CNTNAP2: variants seen among roughly 807,000 people sequenced by gnomAD.
The protein encoded by CNTNAP2 is contactin associated protein 2, also known as contactin-associated protein-like 2.
CNTNAP2 carries 98 observed loss-of-function variants against 155.2 expected under a neutral mutation model. The observed-to-expected ratio is 0.63, with a 90% CI of 0.54 to 0.75. CNTNAP2 has a LOEUF of 0.75. Ranked by LOEUF, CNTNAP2 falls within the 30% of genes least tolerant of loss-of-function variation. The pLI, the probability that CNTNAP2 is intolerant of heterozygous loss-of-function variation, is 0.00. For missense variants in CNTNAP2, 1,727 were observed against 1,688.1 expected (o/e 1.02, Z -0.40); for synonymous variants, 651 against 631.2 (o/e 1.03, Z -0.47).
intron 18 of CNTNAP2, among the ~76,000 whole-genome samples, chr7:148,193,525 G>C (rs1795231608): frequency 6.6e-6 from 1 of 152,128 alleles, no homozygotes; most frequent in African/African-American, 2.4e-5. Flanking sequence ...GGGCAAGTGT[G>C]CCTGGGGCCC....
At position 148,217,324 on chromosome 7, in the gene CNTNAP2, G is replaced by A. The variant is rs143879959; in HGVS notation, c.3047G>A (p.Arg1016Gln). The A allele has an allele frequency of 3.3e-5, 54 of 1,613,888 alleles. No individual in the cohort carries two copies. Among genetic ancestry groups the A allele is most frequent in the South Asian group, 6.6e-5 (6 of 91,066 alleles). ...TTTTTTGAAGAAGGGATGTGGCTAC[G>A]ATATAACTTTCAGGCACCAGCAACA... ...GAFFEEGMWL[R>Q]YNFQAPATNA... The change falls in exon 19 of 24, where the codon CGA becomes CAA. Residue 1016 changes from arginine to glutamine, a missense_variant. Physicochemically the swap from Arg to Gln is conservative, Grantham distance 43. Coordinates refer to ENST00000361727, the MANE Select transcript of CNTNAP2 (RefSeq NM_014141.6).
intron 13 of CNTNAP2, among the ~76,000 whole-genome samples, chr7:147,853,685 C>A (rs182943683): frequency 1.3e-5 from 2 of 152,246 alleles, no homozygotes; most frequent in Admixed American, 1.3e-4. Context: ...GAACCATTGC[C>A]ATAAAATTTA....
intron 9 of CNTNAP2, among the ~76,000 whole-genome samples, chr7:147,344,956 T>A (rs1259152982): frequency 6.6e-6 from 1 of 152,188 alleles, no homozygotes; most frequent in Admixed American, 6.5e-5. Context: ...GTTACTATAA[T>A]TAAAGTAACA....
intron 1 of CNTNAP2, among the ~76,000 whole-genome samples, chr7:146,321,396 T>A (rs1800998897): frequency 6.6e-6 from 1 of 152,218 alleles, no homozygotes; most frequent in Non-Finnish European, 1.5e-5. Flanking sequence ...AGAACATCCC[T>A]CTGAGCCTTT....
intron 8 of CNTNAP2, among the ~76,000 whole-genome samples, chr7:147,288,250 A>G (rs1805226476): frequency 6.6e-6 from 1 of 152,156 alleles, no homozygotes; most frequent in Non-Finnish European, 1.5e-5. Context: ...ACTGTCTGAA[A>G]TTGTACCTGT....
intron 9 of CNTNAP2, among the ~76,000 whole-genome samples, chr7:147,393,913 G>A (rs761291960): frequency 6.6e-6 from 1 of 151,942 alleles, no homozygotes; most frequent in Non-Finnish European, 1.5e-5. Context: ...TTTAAATATT[G>A]TAATCCATTA....
chr7:147,473,266 C>T (rs1181809906), intron 10 of CNTNAP2, among the ~76,000 whole-genome samples: 1 of 151,946 alleles, frequency 6.6e-6, no homozygotes, highest in Non-Finnish European at 1.5e-5. Flanking sequence ...GTTATGGGGC[C>T]GAAAGGGAGA....
chr7:148,409,827 G>T (rs1423134154), intron 23 of CNTNAP2, among the ~76,000 whole-genome samples: 9 of 93,586 alleles, frequency 9.6e-5, no homozygotes, highest in East Asian at 2.4e-4. Flanking sequence ...CGAGGCGGGC[G>T]GATCACAAGG....
chr7:147,626,123 A>G (rs112525712), intron 12 of CNTNAP2, among the ~76,000 whole-genome samples: 4 of 152,066 alleles, frequency 2.6e-5, no homozygotes, highest in South Asian at 2.1e-4. Context: ...CTCTGAACTG[A>G]AATTTGTAGT....
intron 1 of CNTNAP2, among the ~76,000 whole-genome samples, chr7:146,686,068 T>C (rs1417450805): frequency 6.6e-6 from 1 of 152,096 alleles, no homozygotes; most frequent in African/African-American, 2.4e-5. Context: ...AGGCTGACAC[T>C]GGAGGATCTG....
At chr7:147,322,150 A>T (rs1429700156) in intron 9 of CNTNAP2, among the ~76,000 whole-genome samples, 1 of 152,132 alleles carries the variant, frequency 6.6e-6, no homozygotes, top group South Asian at 2.1e-4. Flanking sequence ...ATATGGGGTG[A>T]TTCTCACCCT....
chr7:147,365,827 A>G (rs770286493), intron 9 of CNTNAP2, among the ~76,000 whole-genome samples: 8 of 152,210 alleles, frequency 5.3e-5, no homozygotes, highest in Non-Finnish European at 8.8e-5. Context: ...AAAATCCTTT[A>G]GAATTTCCTC....
chr7:147,481,116 C>G (rs1485541541), intron 10 of CNTNAP2, among the ~76,000 whole-genome samples: 1 of 151,976 alleles, frequency 6.6e-6, no homozygotes, highest in Non-Finnish European at 1.5e-5. Flanking sequence ...TTTACAAGAC[C>G]AAATATGGTT....
At chr7:147,799,135 C>G (rs747079463) in intron 13 of CNTNAP2, among the ~76,000 whole-genome samples, 6 of 152,148 alleles carry the variant, frequency 3.9e-5, no homozygotes, top group Non-Finnish European at 5.9e-5. Flanking sequence ...GCCCTTATCT[C>G]AGCAGTTCTG....
chr7:146,533,121 A>G (rs1797795479), intron 1 of CNTNAP2, among the ~76,000 whole-genome samples: 1 of 148,726 alleles, frequency 6.7e-6, no homozygotes, highest in African/African-American at 2.4e-5. Flanking sequence ...AAAAAAAAAA[A>G]AAAAAAAAAA....
intron 13 of CNTNAP2, among the ~76,000 whole-genome samples, chr7:147,858,421 A>C (rs1351999446): frequency 6.6e-6 from 1 of 152,236 alleles, no homozygotes; most frequent in African/African-American, 2.4e-5. Context: ...CATGGAAATA[A>C]AGCTTTCCAG....
chr7:147,267,817 A>T (rs189803931), intron 8 of CNTNAP2, among the ~76,000 whole-genome samples: 1 of 152,238 alleles, frequency 6.6e-6, no homozygotes, highest in African/African-American at 2.4e-5. Flanking sequence ...AGAGAGGATC[A>T]GTGACTTTCA....
intron 13 of CNTNAP2, among the ~76,000 whole-genome samples, chr7:147,854,209 G>C (rs535273295): frequency 1.3e-5 from 2 of 152,154 alleles, no homozygotes; most frequent in Non-Finnish European, 2.9e-5. Context: ...GTAGAGAAGA[G>C]TTGCCGTTAT....
At chr7:146,407,354 G>GT (rs1795806964) in intron 1 of CNTNAP2, among the ~76,000 whole-genome samples, 1 of 152,130 alleles carries the variant, frequency 6.6e-6, no homozygotes, top group Admixed American at 6.5e-5. Context: ...TTGGTAGGTG[G>GT]TGTCATGCTG....
Sources: allele counts gnomAD v4.1 joint callset (sites outside exome capture counted in the v4.1 genomes callset), GRCh38; gene constraint gnomAD v4.1.1; transcripts MANE v1.5; gene names NCBI Gene and HGNC (gene_info 2026-07-23, HGNC 2026-07-21).